Variants in NRXN2 observed in about 807,000 individuals in gnomAD.
NRXN2 encodes neurexin-2-beta.
A neutral mutation model predicts 128.8 loss-of-function variants in NRXN2; 29 were observed. The observed-to-expected ratio is 0.23, with a 90% CI of 0.17 to 0.31. NRXN2 has a LOEUF of 0.31. NRXN2 is among the 10% of genes least tolerant of loss of function. NRXN2 has a pLI of 1.00. For missense variants in NRXN2, 1,881 were observed against 2,452.6 expected, an observed-to-expected ratio of 0.77 and a Z score of 4.92; for synonymous variants, 1,098 against 1,075.2, an observed-to-expected ratio of 1.02 and a Z score of -0.41.
chr11:64,643,312 TGCCGCTGCC>T, intron 17 of NRXN2: 1 of 936,498 alleles, frequency 1.1e-6, no homozygotes, highest in Non-Finnish European at 1.2e-6. Context: ...GCGCCGCTGC[TGCCGCTGCC>T]GCCCGACGGA....
At chr11:64,624,437 G>T (rs10897520) in intron 20 of NRXN2, among the ~76,000 whole-genome samples, 34,515 of 151,936 alleles carry the variant, frequency 0.23, 4,157 homozygotes, top group East Asian at 0.48. Context: ...GACCAGCAAC[G>T]CCCATTACTA....
intron 20 of NRXN2, among the ~76,000 whole-genome samples, chr11:64,624,339 C>T (rs1317196467): frequency 3.9e-5 from 6 of 152,230 alleles, no homozygotes; most frequent in Admixed American, 3.9e-4. Context: ...CCAATGATGG[C>T]CACTGGGGTG....
rs976320783 is a variant in NRXN2 at position 64,636,393 on chromosome 11, CTGGGGGTGGGGG to C, written c.3404-953_3404-942del. 1.0e-4 allele frequency among the ~76,000 whole-genome samples: 8 copies of C among 76,586 alleles called. No individual in the cohort carries two copies. The East Asian group carries it at 1.7e-3, about 17-fold the overall frequency. 50.2% of individuals were successfully genotyped at this position (76,586 alleles called of 152,430 possible). A position where few individuals can be genotyped will look rare whatever the true frequency, so the allele number is the denominator to read the frequency against. On this transcript the variant is annotated intron_variant, in intron 17 of 22. Transcript: ENST00000265459. ...TCCCTCCTGCGGCTGACTGAGCTCT[CTGGGGGTGGGGG>C]TGGGGGTGGGGGGCTGGTCACCCAG...
intron 17 of NRXN2, chr11:64,643,109 AG>A (rs2046001359): frequency 2.1e-6 from 2 of 968,146 alleles, no homozygotes; most frequent in African/African-American, 4.0e-5. Flanking sequence ...AACCCGGGGG[AG>A]CGCCCGGGGG....
At position 64,635,179 on chromosome 11, in the gene NRXN2, G is replaced by T. The variant is rs1441539782; in HGVS notation, c.3585+92C>A. The stretch of plus-strand genomic sequence containing the variant: ...GTTCTGAGGGTTCCCCATGAGGGAA[G>T]ACTTGAGGTGCTGATCCCATGGCAA... On this transcript the variant is annotated intron_variant, in intron 18 of 22. Coordinates refer to ENST00000265459, the MANE Select transcript of NRXN2 (RefSeq NM_015080.4). The surrounding 1 kb of genome is among the most constrained non-coding windows in gnomAD (Gnocchi z 4.8). 3.5e-6 allele frequency: 5 copies of T among 1,427,268 alleles called. No individual in the cohort carries two copies. In the African/African-American group the frequency reaches 5.6e-5, roughly 16 times the overall value. The allele number at this position is 1,427,268 out of a possible 1,614,324, so 88.4% of individuals were successfully genotyped here.
At position 64,653,744 on chromosome 11, in the gene NRXN2, C is replaced by A. The variant is rs765947909; in HGVS notation, c.2390-22G>T. On this transcript the variant is annotated intron_variant, in intron 11 of 22. Coordinates refer to ENST00000265459, the MANE Select transcript of NRXN2 (RefSeq NM_015080.4). The stretch of plus-strand genomic sequence containing the variant: ...CAGTCTGGGGGGGCCATGGGGCGGG[C>A]AGAGGGGAAGGGGAGACAAAAAGGT... 66 of 1,562,832 alleles carry A rather than the reference C, an allele frequency of 4.2e-5. 1 individual carries two copies. Among genetic ancestry groups the A allele is most frequent in the South Asian group, 7.0e-5 (6 of 85,718 alleles).
intron 12 of NRXN2, 121 bp downstream of exon 12, chr11:64,653,575 C>A: frequency 2.0e-6 from 2 of 1,017,820 alleles, no homozygotes. Flanking sequence ...ACACTCAAGG[C>A]CCAACCCCCA....
At chr11:64,663,895 T>C (rs1318192567) in intron 9 of NRXN2, among the ~76,000 whole-genome samples, 2 of 152,160 alleles carry the variant, frequency 1.3e-5, no homozygotes, top group Non-Finnish European at 2.9e-5. Flanking sequence ...TGCTACAACA[T>C]GAACGAACCT....
chr11:64,648,424 G>A lies in NRXN2; in HGVS notation c.3284-86C>T. The stretch of plus-strand genomic sequence containing the variant: ...GGTGTGGAAGCTTCAGAGCCAGGCA[G>A]AGAGGTCCTACTCTGAGCTCTGCCT... On this transcript the variant is annotated intron_variant, in intron 16 of 22. Coordinates refer to ENST00000265459, the MANE Select transcript of NRXN2 (RefSeq NM_015080.4). This position sits in a 1 kb window ranked among gnomAD's most constrained non-coding sequence, Gnocchi z 4.1. 6.2e-7 allele frequency: 1 copy of A among 1,601,488 alleles called. No individual in the cohort carries two copies.
chr11:64,644,006 C>T (rs2046259584), intron 17 of NRXN2, among the ~76,000 whole-genome samples: 1 of 152,014 alleles, frequency 6.6e-6, no homozygotes, highest in Admixed American at 6.5e-5. Flanking sequence ...ATGGAAACAT[C>T]CACGTGCCCA....
intron 1 of NRXN2, among the ~76,000 whole-genome samples, chr11:64,720,473 G>T (rs961523157): frequency 6.6e-6 from 1 of 152,152 alleles, no homozygotes; most frequent in African/African-American, 2.4e-5. Context: ...AATGCGGGGG[G>T]TGGGGCCACT....
intron 7 of NRXN2, among the ~76,000 whole-genome samples, chr11:64,671,652 C>G (rs1344955688): frequency 6.6e-6 from 1 of 151,880 alleles, no homozygotes; most frequent in Non-Finnish European, 1.5e-5. Flanking sequence ...AGAAAGGCAG[C>G]CAGGTAAGAA....
intron 2 of NRXN2, 41 bp downstream of exon 2, chr11:64,712,929 C>A: frequency 1.3e-6 from 2 of 1,485,038 alleles, no homozygotes; most frequent in South Asian, 2.5e-5. Context: ...AGGCCCTCAC[C>A]CCCGCGCCCA....
intron 2 of NRXN2, 50 bp from the exon 3 acceptor site, chr11:64,697,842 G>A: frequency 1.2e-6 from 2 of 1,610,600 alleles, no homozygotes; most frequent in Non-Finnish European, 8.5e-7. Context: ...AGAAGAAAAA[G>A]GAGGGCTGTT....
In NRXN2 at chr11:64,648,736, T is replaced by A; in HGVS notation, c.3281A>T (p.Asp1094Val). The A allele has an allele frequency of 6.2e-7, 1 of 1,613,652 alleles. No homozygotes were observed. ...TCACTCCTCCACCCTCCACTCACCA[T>A]CACAGCCCCTCTCCACCTGCCCAAT... ...HRIGQVERGC[D>V]GPSTTCTEES... Residue 1094 changes from aspartate (D) to valine (V), a missense_variant and splice_region_variant, in exon 16 of 23, where the codon GAT becomes GTT. Around this residue, in one of 7 missense-constraint regions of NRXN2, gnomAD observed 390 missense variants for 599.6 expected, o/e 0.65. Transcript: ENST00000265459. The surrounding 1 kb of genome is among the most constrained non-coding windows in gnomAD (Gnocchi z 4.1).
In NRXN2 at chr11:64,714,342, C is replaced by T. The variant is rs559785556; in HGVS notation, c.-244-399G>A. Reference sequence around the variant, plus strand: ...CAGCCCCTTCTCTGAACCGCCCAGCCTCTGCCTGGCTCCCACCTCCAGCCA... The same window carrying T: ...CAGCCCCTTCTCTGAACCGCCCAGCTTCTGCCTGGCTCCCACCTCCAGCCA... On this transcript the variant is annotated intron_variant, in intron 1 of 22. Coordinates refer to ENST00000265459, the MANE Select transcript of NRXN2 (RefSeq NM_015080.4). The surrounding 1 kb of genome is among the most constrained non-coding windows in gnomAD (Gnocchi z 4.5). Among the ~76,000 whole-genome samples the T allele has an allele frequency of 6.6e-6, 1 of 152,320 alleles. No individual in the cohort carries two copies. The highest frequency in any genetic ancestry group is 6.5e-5 in the Admixed American group (1 of 15,302).
chr11:64,641,483 G>A (rs1186865125), intron 17 of NRXN2, among the ~76,000 whole-genome samples: 1 of 151,946 alleles, frequency 6.6e-6, no homozygotes, highest in Non-Finnish European at 1.5e-5. Flanking sequence ...TGTGAAGAGG[G>A]CCAGATGTAG....
intron 9 of NRXN2, among the ~76,000 whole-genome samples, chr11:64,666,858 C>T (rs772911388): frequency 9.9e-5 from 15 of 152,150 alleles, no homozygotes; most frequent in Non-Finnish European, 1.6e-4. Context: ...GCATCGCACC[C>T]GGCCGGAAGA....
At chr11:64,709,438 A>G (rs1485976654) in intron 2 of NRXN2, among the ~76,000 whole-genome samples, 2 of 151,956 alleles carry the variant, frequency 1.3e-5, no homozygotes, top group Non-Finnish European at 2.9e-5. Context: ...TGAGCACAAG[A>G]TATTATAAAA....
Sources: gnomAD v4.1 joint callset for allele counts (sites outside exome capture counted in the v4.1 genomes callset) on GRCh38, gnomAD v4.1.1 for gene constraint, gnomAD v4.1.1 regional missense constraint, Gnocchi (gnomAD v3.1) non-coding constraint, MANE v1.5 for transcripts, NCBI Gene and HGNC (gene_info 2026-07-23, HGNC 2026-07-21) for gene names.